Variants in PIK3CD observed in about 807,000 individuals in gnomAD.
PIK3CD encodes phosphatidylinositol-4,5-bisphosphate 3-kinase catalytic subunit delta.
PIK3CD carries 20 observed loss-of-function variants against 122.9 expected under a neutral mutation model. The observed-to-expected ratio is 0.16, with a 90% CI of 0.11 to 0.24. The LOEUF is 0.24. PIK3CD is among the 10% of genes least tolerant of loss of function. The pLI, the probability that PIK3CD is intolerant of heterozygous loss-of-function variation, is 1.00. For synonymous variants in PIK3CD, 596 were observed against 593.4 expected (o/e 1.00, Z -0.06); for missense variants, 787 against 1,406.3 (o/e 0.56, Z 7.04).
At chr1:9,628,552 T>A in the PIK3CD span, among the ~76,000 whole-genome samples, 1 of 152,202 alleles carries the variant, frequency 6.6e-6, no homozygotes, top group Admixed American at 6.5e-5. Context: ...AAGGCGCCCC[T>A]GCCGTGGAGG....
chr1:9,721,159 G>A lies in PIK3CD; in HGVS notation c.1722G>A (p.Leu574=). The A allele has an allele frequency of 6.2e-7, 1 of 1,612,886 alleles. No homozygotes were observed. Among genetic ancestry groups the A allele is most frequent in the Non-Finnish European group, 8.5e-7 (1 of 1,179,980 alleles). The change falls in exon 14 of 24, where the codon CTG becomes CTA. Residue 574 remains leucine (L), a synonymous_variant. Coordinates refer to ENST00000377346, the MANE Select transcript of PIK3CD (RefSeq NM_005026.5). ...MLYLLCSWPE[L]PVLSALELLD... The stretch of plus-strand genomic sequence containing the variant: ...ACCTGCTGTGCTCCTGGCCGGAGCT[G>A]CCCGTCCTGAGCGCCCTGGAGCTGC...
chr1:9,721,272 C>G, intron 14 of PIK3CD, 24 bp downstream of exon 14: 2 of 1,613,014 alleles, frequency 1.2e-6, no homozygotes, highest in South Asian at 2.2e-5. Context: ...GGGCGCTCCC[C>G]ACTTCTCCAG....
At chr1:9,678,027 C>T (rs570822370) in intron 1 of PIK3CD, among the ~76,000 whole-genome samples, 2 of 152,092 alleles carry the variant, frequency 1.3e-5, no homozygotes, top group South Asian at 2.1e-4. Flanking sequence ...GCCTGTAATC[C>T]CAGCTGCTTG....
chr1:9,715,808 T>C lies in PIK3CD; in HGVS notation c.370+39T>C, dbSNP rs945139628. Reference sequence around the variant, plus strand: ...GTGGGCCGTGTGGCCGGGCTGGCCCTGCCTGCCCCACCCGCTGACCCAGCC... The same window carrying C: ...GTGGGCCGTGTGGCCGGGCTGGCCCCGCCTGCCCCACCCGCTGACCCAGCC... On this transcript the variant is annotated intron_variant, in intron 4 of 23. Transcript: ENST00000377346. This position sits in a 1 kb window ranked among gnomAD's most constrained non-coding sequence, Gnocchi z 4.1. The C allele has an allele frequency of 6.2e-7, 1 of 1,609,824 alleles. No individual in the cohort carries two copies. Among genetic ancestry groups the C allele is most frequent in the Non-Finnish European group, 8.5e-7 (1 of 1,177,398 alleles).
chr1:9,667,612 G>A (rs1470145017), intron 1 of PIK3CD, among the ~76,000 whole-genome samples: 6 of 151,972 alleles, frequency 3.9e-5, no homozygotes, highest in African/African-American at 1.5e-4. Context: ...TCCTGAACTC[G>A]TGATCTGCCC....
At chr1:9,706,773 C>T (rs1405435981) in intron 2 of PIK3CD, among the ~76,000 whole-genome samples, 1 of 151,200 alleles carries the variant, frequency 6.6e-6, no homozygotes, top group Non-Finnish European at 1.5e-5. Flanking sequence ...TTTATCTGTG[C>T]CTTTTCACTG....
chr1:9,710,839 G>A lies in PIK3CD; in HGVS notation c.141+243G>A, dbSNP rs550472922. On this transcript the variant is annotated intron_variant, in intron 3 of 23. Transcript: ENST00000377346. This position sits in a 1 kb window ranked among gnomAD's most constrained non-coding sequence, Gnocchi z 4.7. ...TCGCTCTTATTGCCCAGGCTGGTGT[G>A]CAATGGCGCAATCTCGGCTCACTGC... Among the ~76,000 whole-genome samples, 1 of 152,292 alleles carries A rather than the reference G, an allele frequency of 6.6e-6. No individual in the cohort carries two copies. Among genetic ancestry groups the A allele is most frequent in the Admixed American group, 6.5e-5 (1 of 15,288 alleles).
At chr1:9,666,851 G>A (rs972519327) in intron 1 of PIK3CD, among the ~76,000 whole-genome samples, 4 of 149,244 alleles carry the variant, frequency 2.7e-5, no homozygotes, top group South Asian at 4.3e-4. Context: ...ACAGGCTTGC[G>A]CCACCATGCC....
intron 3 of PIK3CD, among the ~76,000 whole-genome samples, chr1:9,712,418 C>T (rs10047212): frequency 5.3e-5 from 8 of 152,020 alleles, no homozygotes; most frequent in African/African-American, 1.7e-4. Flanking sequence ...GTAGCTGGGA[C>T]TACAGGCACG....
At chr1:9,671,288 A>C (rs950908745) in intron 1 of PIK3CD, among the ~76,000 whole-genome samples, 2 of 152,050 alleles carry the variant, frequency 1.3e-5, no homozygotes, top group South Asian at 4.1e-4. Context: ...AATGGAAGAC[A>C]GGGTTTCACC....
upstream of PIK3CD, among the ~76,000 whole-genome samples, chr1:9,649,291 C>T (rs889423287): frequency 3.6e-4 from 55 of 151,816 alleles, no homozygotes; most frequent in African/African-American, 1.3e-3. Flanking sequence ...AGTGCAGTGG[C>T]ACAGTTATGG....
Position 9,720,989 on chromosome 1 carries a change from A to G in PIK3CD, c.1689+80A>G. 1 of 1,457,686 alleles carries G rather than the reference A, an allele frequency of 6.9e-7. No individual in the cohort carries two copies. Among genetic ancestry groups the G allele is most frequent in the South Asian group, 1.2e-5 (1 of 82,934 alleles). The allele number at this position is 1,457,686 out of a possible 1,614,324, so 90.3% of individuals were successfully genotyped here. A position where few individuals can be genotyped will look rare whatever the true frequency, so the allele number is the denominator to read the frequency against. On this transcript the variant is annotated intron_variant, in intron 13 of 23. Coordinates refer to ENST00000377346, the MANE Select transcript of PIK3CD (RefSeq NM_005026.5). The surrounding 1 kb of genome is among the most constrained non-coding windows in gnomAD (Gnocchi z 9.0). ...CTACCCACCACCCTGACCCCGGCCA[A>G]CCCCCACCCTCACCCTGGCCAACCT... is the stretch of plus-strand genomic sequence containing the variant.
chr1:9,724,145 C>A lies in PIK3CD; in HGVS notation c.2718+53C>A. On this transcript the variant is annotated intron_variant, in intron 21 of 23. Coordinates refer to ENST00000377346, the MANE Select transcript of PIK3CD (RefSeq NM_005026.5). The surrounding 1 kb of genome is among the most constrained non-coding windows in gnomAD (Gnocchi z 7.3). ...GTGGGGACTTGGCTTCTGGCCCCAGCCTGCTGGCCCCTCTGCCTAGCACAC... is the reference window on the plus strand; with the variant it reads ...GTGGGGACTTGGCTTCTGGCCCCAGACTGCTGGCCCCTCTGCCTAGCACAC... 2 of 1,613,798 alleles carry A rather than the reference C, an allele frequency of 1.2e-6. No homozygotes were observed. Among genetic ancestry groups the A allele is most frequent in the African/African-American group, 1.3e-5 (1 of 75,028 alleles).
At chr1:9,726,441 G>A (rs1008670295) in intron 23 of PIK3CD, among the ~76,000 whole-genome samples, 6 of 151,752 alleles carry the variant, frequency 4.0e-5, no homozygotes, top group Admixed American at 2.0e-4. Context: ...CCTGGGAGGC[G>A]GAGGTTGCAG....
chr1:9,631,123 A>C, the PIK3CD span, among the ~76,000 whole-genome samples: 3 of 152,180 alleles, frequency 2.0e-5, no homozygotes, highest in Admixed American at 1.3e-4. Flanking sequence ...GACACTTCTC[A>C]GTGCCACTCA....
intron 3 of PIK3CD, among the ~76,000 whole-genome samples, chr1:9,714,836 C>T (rs1229557315): frequency 6.6e-6 from 1 of 152,144 alleles, no homozygotes; most frequent in Non-Finnish European, 1.5e-5. Context: ...CTTTGGGCCC[C>T]CTTGCTGTGT....
At chr1:9,638,713 C>T in the PIK3CD span, among the ~76,000 whole-genome samples, 3 of 114,770 alleles carry the variant, frequency 2.6e-5, no homozygotes, top group South Asian at 6.2e-4. Flanking sequence ...GCCTGGGTGA[C>T]AGAGCGAGAC....
At chr1:9,627,643 A>G in the PIK3CD span, among the ~76,000 whole-genome samples, 1 of 152,106 alleles carries the variant, frequency 6.6e-6, no homozygotes, top group African/African-American at 2.4e-5. Context: ...ACAGATATTA[A>G]CTTATGATTC....
intron 2 of PIK3CD, among the ~76,000 whole-genome samples, chr1:9,702,500 C>CTTTTTTTT (rs60167511): frequency 0.022 from 573 of 25,822 alleles, 249 homozygotes; most frequent in Non-Finnish European, 0.037. Context: ...AAGAACTTTC[C>CTTTTTTTT]TTTTTTTTTT....
Sources: allele counts gnomAD v4.1 joint callset (sites outside exome capture counted in the v4.1 genomes callset), GRCh38; gene constraint gnomAD v4.1.1; non-coding constraint Gnocchi (gnomAD v3.1); transcripts MANE v1.5; gene names NCBI Gene and HGNC (gene_info 2026-07-23, HGNC 2026-07-21).